Variants in NBEA observed in about 807,000 individuals in gnomAD.
NBEA encodes the protein neurobeachin, also known as lysosomal-trafficking regulator 2.
A neutral mutation model predicts 343.4 loss-of-function variants in NBEA; 44 were observed. The observed-to-expected ratio is 0.13, with a 90% CI of 0.10 to 0.16. The LOEUF is 0.16. NBEA is among the 10% of genes least tolerant of loss of function. The pLI, the probability that NBEA is intolerant of heterozygous loss-of-function variation, is 1.00. For synonymous variants in NBEA, 1,175 were observed against 1,238.7 expected (o/e 0.95, Z 1.08); for missense variants, 2,555 against 3,631.3 (o/e 0.70, Z 7.62).
intron 1 of NBEA, among the ~76,000 whole-genome samples, chr13:34,970,075 T>C (rs1353929609): frequency 6.6e-6 from 1 of 152,212 alleles, no homozygotes; most frequent in African/African-American, 2.4e-5. Flanking sequence ...TTTGACTTTT[T>C]AGTCATAGCC....
At chr13:35,336,018 G>C (rs1231523598) in intron 36 of NBEA, among the ~76,000 whole-genome samples, 1 of 152,062 alleles carries the variant, frequency 6.6e-6, no homozygotes, top group African/African-American at 2.4e-5. Context: ...TCCTTACACA[G>C]AGTTCCTTAG....
intron 41 of NBEA, among the ~76,000 whole-genome samples, chr13:35,532,978 C>T (rs1375439797): frequency 2.0e-5 from 3 of 151,872 alleles, no homozygotes; most frequent in Non-Finnish European, 2.9e-5. Flanking sequence ...TTTCATCTTG[C>T]TTTTCTAGGA....
At chr13:35,454,815 G>A (rs569085748) in intron 40 of NBEA, among the ~76,000 whole-genome samples, 1 of 152,024 alleles carries the variant, frequency 6.6e-6, no homozygotes, top group East Asian at 1.9e-4. Flanking sequence ...AGCCAAGATC[G>A]CACCACTGCA....
intron 34 of NBEA, among the ~76,000 whole-genome samples, chr13:35,242,278 C>A (rs1029452957): frequency 6.6e-6 from 1 of 151,592 alleles, no homozygotes; most frequent in South Asian, 2.1e-4. Flanking sequence ...TTAAAAAATT[C>A]ATTATTAGGG....
intron 41 of NBEA, among the ~76,000 whole-genome samples, chr13:35,473,210 GCT>G (rs2075729988): frequency 6.6e-6 from 1 of 150,914 alleles, no homozygotes; most frequent in African/African-American, 2.4e-5. Flanking sequence ...TATTAGAGTA[GCT>G]CTTTCTCAGC....
intron 35 of NBEA, among the ~76,000 whole-genome samples, chr13:35,308,608 G>GTATATATGTA (rs977972424): frequency 2.4e-5 from 3 of 122,470 alleles, no homozygotes; most frequent in South Asian, 2.6e-4. Flanking sequence ...ATGTATATAT[G>GTATATATGTA]TATATATATA....
intron 45 of NBEA, among the ~76,000 whole-genome samples, chr13:35,568,090 TATAAC>T (rs969149952): frequency 1.2e-4 from 19 of 152,214 alleles, no homozygotes; most frequent in Non-Finnish European, 2.2e-4. Flanking sequence ...ATTTAAAAAT[TATAAC>T]ATAGTACTTG....
rs143463045 is a variant in NBEA, at chr13:34,995,742, C to T, written c.295-45191C>T. ...CAGCTTTTTGTTACATGAGTACACG[C>T]TCAAGTTTCATTCAGCATGAATGAC... On this transcript the variant is annotated intron_variant, in intron 1 of 58. Coordinates refer to ENST00000379939, the MANE Select transcript of NBEA (RefSeq NM_001385012.1). 3.8e-3 allele frequency among the ~76,000 whole-genome samples: 573 copies of T among 152,336 alleles called. 3 individuals are homozygous for T. The highest frequency in any genetic ancestry group is 0.013 in the African/African-American group (553 of 41,582).
intron 30 of NBEA, among the ~76,000 whole-genome samples, chr13:35,184,610 T>C (rs1402615817): frequency 2.0e-5 from 3 of 151,802 alleles, no homozygotes; most frequent in Non-Finnish European, 2.9e-5. Flanking sequence ...AATCAGTGAA[T>C]AGAAACAGAT....
chr13:34,980,723 A>G (rs2060328600), intron 1 of NBEA, among the ~76,000 whole-genome samples: 1 of 152,108 alleles, frequency 6.6e-6, no homozygotes, highest in Admixed American at 6.6e-5. Flanking sequence ...CATTTAGTAG[A>G]TTACAATTAA....
At chr13:35,667,029 A>T (rs1006186017) in intron 56 of NBEA, among the ~76,000 whole-genome samples, 1 of 152,198 alleles carries the variant, frequency 6.6e-6, no homozygotes, top group Non-Finnish European at 1.5e-5. Flanking sequence ...CTTTCAAGAA[A>T]AGTTTCTAAA....
At chr13:35,098,042 T>TTTAC (rs1202811231) in intron 10 of NBEA, among the ~76,000 whole-genome samples, 1 of 152,120 alleles carries the variant, frequency 6.6e-6, no homozygotes, top group African/African-American at 2.4e-5. Context: ...ACTTTGATGT[T>TTTAC]TTACTTTGGA....
chr13:35,182,959 A>G (rs988893893), intron 29 of NBEA, among the ~76,000 whole-genome samples: 5 of 152,012 alleles, frequency 3.3e-5, no homozygotes, highest in African/African-American at 1.2e-4. Flanking sequence ...TTTTAGCTGT[A>G]TACAGTTAAT....
chr13:35,107,301 T>C (rs1448474450), intron 11 of NBEA, among the ~76,000 whole-genome samples: 1 of 151,902 alleles, frequency 6.6e-6, no homozygotes, highest in Non-Finnish European at 1.5e-5. Context: ...AACTCAGCTA[T>C]TTATTTAGAT....
At chr13:35,139,120 A>G (rs1177906147) in intron 17 of NBEA, among the ~76,000 whole-genome samples, 9 of 122,070 alleles carry the variant, frequency 7.4e-5, no homozygotes, top group East Asian at 2.6e-4. Context: ...GAGTGCAGTG[A>G]TGCAATCTCA....
intron 49 of NBEA, among the ~76,000 whole-genome samples, chr13:35,632,925 C>T (rs539032432): frequency 1.3e-5 from 2 of 151,220 alleles, no homozygotes; most frequent in East Asian, 3.9e-4. Flanking sequence ...ACATGTCATA[C>T]CCATCTAACT....
At chr13:34,959,262 G>A (rs1341688051) in intron 1 of NBEA, among the ~76,000 whole-genome samples, 1 of 152,020 alleles carries the variant, frequency 6.6e-6, no homozygotes, top group Non-Finnish European at 1.5e-5. Context: ...ATTCTAAGGT[G>A]TGAATTTTAT....
chr13:34,994,147 G>C (rs368477377), intron 1 of NBEA, among the ~76,000 whole-genome samples: 1 of 136,014 alleles, frequency 7.4e-6, no homozygotes, highest in East Asian at 2.2e-4. Flanking sequence ...GCAGTGAGCC[G>C]AGGTCATGCC....
intron 34 of NBEA, among the ~76,000 whole-genome samples, chr13:35,237,176 G>C (rs2075277986): frequency 1.3e-5 from 2 of 152,074 alleles, no homozygotes; most frequent in Admixed American, 1.3e-4. Flanking sequence ...AGGATTGCTT[G>C]AGTGGGAGAT....
Sources: gnomAD v4.1 joint callset for allele counts (sites outside exome capture counted in the v4.1 genomes callset) on GRCh38, gnomAD v4.1.1 for gene constraint, MANE v1.5 for transcripts, NCBI Gene and HGNC (gene_info 2026-07-23, HGNC 2026-07-21) for gene names.